RAB5C: variants seen among roughly 807,000 people sequenced by gnomAD.
RAB5C encodes RAB5C, member RAS oncogene family.
RAB5C carries 4 observed loss-of-function variants against 25.2 expected under a neutral mutation model. The observed-to-expected ratio is 0.16, with a 90% confidence interval of 0.08 to 0.36. The LOEUF is 0.36. Ranked by LOEUF, RAB5C falls within the 10% of genes least tolerant of loss-of-function variation. The probability of loss-of-function intolerance (pLI) is 1.00; values close to 1 mark genes in which losing one functional copy is unlikely to be tolerated. For missense variants in RAB5C, 199 were observed against 283.8 expected (o/e 0.70, Z 2.15); for synonymous variants, 100 against 106.4 (o/e 0.94, Z 0.37).
At chr17:42,144,668 C>T (rs1196851518) in intron 1 of RAB5C, among the ~76,000 whole-genome samples, 2 of 151,948 alleles carry the variant, frequency 1.3e-5, no homozygotes, top group Non-Finnish European at 1.5e-5. Context: ...GTGGCTCACG[C>T]CTGTAATCCC....
chr17:42,154,268 T>G (rs2079691765), intron 1 of RAB5C, among the ~76,000 whole-genome samples: 1 of 152,100 alleles, frequency 6.6e-6, no homozygotes, highest in Non-Finnish European at 1.5e-5. Flanking sequence ...ACAACATAAC[T>G]AGAGGACAGG....
At chr17:42,146,707 T>G (rs1255608811) in intron 1 of RAB5C, among the ~76,000 whole-genome samples, 2 of 146,768 alleles carry the variant, frequency 1.4e-5, no homozygotes, top group Non-Finnish European at 3.0e-5. Flanking sequence ...CAAGATGGCA[T>G]CACTGCACTC....
intron 1 of RAB5C, among the ~76,000 whole-genome samples, chr17:42,137,527 T>G (rs1401262935): frequency 6.6e-6 from 1 of 152,180 alleles, no homozygotes; most frequent in South Asian, 2.1e-4. Flanking sequence ...GGAAACGATA[T>G]GAATGCAATC....
At chr17:42,131,819 GC>G (rs1452891022) in intron 1 of RAB5C, 4 of 536,590 alleles carry the variant, frequency 7.5e-6, no homozygotes, top group Non-Finnish European at 1.3e-5. Context: ...ATCTCTAGAA[GC>G]CTCTAGAAGA....
Position 42,125,591 on chromosome 17 carries a change from T to C in RAB5C, c.*192A>G. ...GACTTAAGACTTAAAATTGAATTAG[T>C]ATTTGTACAGAAAGGTGCAGGTGGA... is the stretch of plus-strand genomic sequence containing the variant. On this transcript the variant is annotated 3_prime_UTR_variant, in exon 6 of 6. Coordinates refer to ENST00000346213, the MANE Select transcript of RAB5C (RefSeq NM_004583.4). The C allele has an allele frequency of 1.8e-6, 1 of 561,318 alleles. No homozygotes were observed. The highest frequency in any genetic ancestry group is 2.4e-5 in the South Asian group (1 of 42,450). The allele number at this position is 561,318 out of a possible 1,614,324, so 34.8% of individuals were successfully genotyped here. A position where few individuals can be genotyped will look rare whatever the true frequency, so the allele number is the denominator to read the frequency against.
In RAB5C at chr17:42,130,571, G is replaced by A; in HGVS notation, c.-69C>T. On this transcript the variant is annotated 5_prime_UTR_variant, in exon 2 of 6. Coordinates refer to ENST00000346213, the MANE Select transcript of RAB5C (RefSeq NM_004583.4). ...CTGGTGCTATGCAAAGAGGCACTTA[G>A]TGGGGAGGGGGACCTCCAACTGTAA... is the stretch of plus-strand genomic sequence containing the variant. The A allele has an allele frequency of 2.5e-6, 4 of 1,590,904 alleles. No homozygotes were observed. The highest frequency in any genetic ancestry group is 1.7e-6 in the Non-Finnish European group (2 of 1,167,128).
rs187112923 is a variant in RAB5C at position 42,135,932 on chromosome 17, G to C, written c.-88-5342C>G. The stretch of plus-strand genomic sequence containing the variant: ...TTGACCAGGGCAGGCGGGGCGTAGA[G>C]ACTAGCTCACTCAAGGTTAGCCAGG... On this transcript the variant is annotated intron_variant, in intron 1 of 5. Coordinates refer to ENST00000346213, the MANE Select transcript of RAB5C (RefSeq NM_004583.4). Among the ~76,000 whole-genome samples the C allele has an allele frequency of 3.9e-5, 6 of 152,320 alleles. No homozygotes were observed. In the South Asian group the frequency reaches 8.3e-4, roughly 21 times the overall value.
rs10580000 is a variant in RAB5C, at chr17:42,140,484, AATATATATATAT to A, written c.-88-9906_-88-9895del. On this transcript the variant is annotated intron_variant, in intron 1 of 5. Coordinates refer to ENST00000346213, the MANE Select transcript of RAB5C (RefSeq NM_004583.4). ...TGGGCACCAAAGAACAATATTTTAG[AATATATATATAT>A]ATATATATATATATATATATTTTTT... Among the ~76,000 whole-genome samples the A allele has an allele frequency of 1.8e-3, 129 of 72,740 alleles. 1 individual carries two copies. The highest frequency in any genetic ancestry group is 4.4e-3 in the African/African-American group (94 of 21,428). The allele number at this position is 72,740 out of a possible 152,430, so 47.7% of individuals were successfully genotyped here.
chr17:42,128,389 GAGAC>G lies in RAB5C; in HGVS notation c.319-10_319-7del. ...TTGGCCCGTGCAAATGTATCCTGAG[GAGAC>G]AGGGACAGAATGTCGAAGGGACAGA... On this transcript the variant is annotated splice_region_variant and splice_polypyrimidine_tract_variant and intron_variant, in intron 3 of 5. Coordinates refer to ENST00000346213, the MANE Select transcript of RAB5C (RefSeq NM_004583.4). 1 of 1,611,712 alleles carries G rather than the reference GAGAC, an allele frequency of 6.2e-7. No homozygotes were observed. The highest frequency in any genetic ancestry group is 1.1e-5 in the South Asian group (1 of 90,776).
chr17:42,130,402 T>C lies in RAB5C; in HGVS notation c.101A>G (p.Lys34Arg). Reference sequence around the variant, plus strand: ...GACAAAGCGGAGGACGAGGCTGGATTTGCCTACCGCAGACTCCCCCAGCAG... The same window carrying C: ...GACAAAGCGGAGGACGAGGCTGGATCTGCCTACCGCAGACTCCCCCAGCAG... ...LVLLGESAVG[K>R]SSLVLRFVKG... is the part of the protein sequence containing the mutation. The change falls in exon 2 of 6, where the codon AAA (lysine) becomes AGA (arginine). Residue 34 changes from lysine (K) to arginine (R), a missense_variant. Lys to Arg is a conservative substitution (Grantham distance 26, BLOSUM62 2). Transcript: ENST00000346213. The C allele has an allele frequency of 6.2e-7, 1 of 1,614,130 alleles. No individual in the cohort carries two copies. The highest frequency in any genetic ancestry group is 8.5e-7 in the Non-Finnish European group (1 of 1,179,970).
At chr17:42,150,031 T>G (rs566907920) in intron 1 of RAB5C, among the ~76,000 whole-genome samples, 1 of 152,058 alleles carries the variant, frequency 6.6e-6, no homozygotes, top group Non-Finnish European at 1.5e-5. Flanking sequence ...ATTACAGGCA[T>G]GTGCCACCAC....
chr17:42,152,172 G>A (rs1169052095), intron 1 of RAB5C, among the ~76,000 whole-genome samples: 1 of 151,626 alleles, frequency 6.6e-6, no homozygotes, highest in Non-Finnish European at 1.5e-5. Context: ...GGGGAAACAA[G>A]CCCCACTATT....
At chr17:42,143,359 G>C (rs1219825828) in intron 1 of RAB5C, among the ~76,000 whole-genome samples, 2 of 152,198 alleles carry the variant, frequency 1.3e-5, no homozygotes, top group Non-Finnish European at 2.9e-5. Context: ...GCCTGGGGCC[G>C]GGAGTGGTGG....
intron 1 of RAB5C, among the ~76,000 whole-genome samples, chr17:42,149,605 A>G (rs1308102121): frequency 6.6e-6 from 1 of 152,156 alleles, no homozygotes; most frequent in African/African-American, 2.4e-5. Context: ...TTAATTAATT[A>G]AAGTTTCCTG....
intron 1 of RAB5C, among the ~76,000 whole-genome samples, chr17:42,132,564 A>T (rs543169795): frequency 1.3e-5 from 2 of 152,246 alleles, no homozygotes; most frequent in South Asian, 4.2e-4. Flanking sequence ...TAAAGAAACA[A>T]GGTCTCACTG....
chr17:42,135,641 T>C (rs1231714780), intron 1 of RAB5C, among the ~76,000 whole-genome samples: 3 of 151,834 alleles, frequency 2.0e-5, no homozygotes, highest in African/African-American at 7.3e-5. Flanking sequence ...GTGGGAGGGG[T>C]CTTCAGCTTC....
At position 42,130,538 on chromosome 17, in the gene RAB5C, G is replaced by C; in HGVS notation, c.-36C>G. 6.2e-7 allele frequency: 1 copy of C among 1,611,242 alleles called. No homozygotes were observed. Among genetic ancestry groups the C allele is most frequent in the East Asian group, 2.2e-5 (1 of 44,846 alleles). ...GCTGTAGTGGTCCAGAGAGCGTGCG[G>C]GTGGGGACTGGTGCTATGCAAAGAG... On this transcript the variant is annotated 5_prime_UTR_variant, in exon 2 of 6. Transcript: ENST00000346213.
intron 2 of RAB5C, among the ~76,000 whole-genome samples, chr17:42,129,935 G>A (rs934108954): frequency 9.2e-5 from 14 of 152,162 alleles, no homozygotes; most frequent in South Asian, 4.1e-4. Context: ...ACCCAGCTCC[G>A]ACTCACCAGG....
intron 1 of RAB5C, among the ~76,000 whole-genome samples, chr17:42,144,925 C>CA (rs544870361): frequency 6.4e-5 from 2 of 31,104 alleles, no homozygotes; most frequent in Non-Finnish European, 1.3e-4. Context: ...GACTCCGTCT[C>CA]AAAAAAAAAA....
Sources: allele counts gnomAD v4.1 joint callset (sites outside exome capture counted in the v4.1 genomes callset), GRCh38; gene constraint gnomAD v4.1.1; transcripts MANE v1.5; gene names NCBI Gene and HGNC (gene_info 2026-07-23, HGNC 2026-07-21).